NUP133: variants seen among roughly 807,000 people sequenced by gnomAD.
NUP133 encodes nuclear pore complex protein Nup133.
Under a neutral mutation model 146.2 loss-of-function variants are expected in NUP133, and 66 were observed. That is an observed-to-expected ratio of 0.45 (90% CI 0.37 to 0.55). The LOEUF is 0.55. Among genes scored for constraint, NUP133 ranks in the 20% least tolerant of loss-of-function variants. The pLI is 0.00. For missense variants in NUP133, 1,277 were observed against 1,374.8 expected (o/e 0.93, Z 1.12); for synonymous variants, 521 against 498.8 (o/e 1.04, Z -0.59).
chr1:229,493,344 T>C (rs969666679), intron 8 of NUP133, among the ~76,000 whole-genome samples: 2 of 152,156 alleles, frequency 1.3e-5, no homozygotes, highest in African/African-American at 4.8e-5. Flanking sequence ...GCCCAGCTAA[T>C]TTTTTATTTT....
intron 20 of NUP133, among the ~76,000 whole-genome samples, chr1:229,459,506 T>A (rs559087579): frequency 2.0e-5 from 3 of 152,332 alleles, no homozygotes; most frequent in African/African-American, 7.2e-5. Flanking sequence ...TATATGTATA[T>A]GTGTATGTGT....
intron 22 of NUP133, 146 bp from the exon 23 acceptor site, chr1:229,450,751 A>G: frequency 7.0e-6 from 3 of 427,398 alleles, no homozygotes. Flanking sequence ...TTTGAGACAA[A>G]GTCTTGCTCT....
At chr1:229,468,853 T>C (rs1241769916) in intron 15 of NUP133, among the ~76,000 whole-genome samples, 1 of 152,226 alleles carries the variant, frequency 6.6e-6, no homozygotes, top group Non-Finnish European at 1.5e-5. Flanking sequence ...CTTTCAGATT[T>C]CTGGCATACT....
At chr1:229,498,963 A>G (rs191353877) in intron 5 of NUP133, among the ~76,000 whole-genome samples, 152 of 152,212 alleles carry the variant, frequency 1.0e-3, no homozygotes, top group African/African-American at 3.4e-3. Flanking sequence ...CAGTGGTGAG[A>G]TCATAGTTCA....
intron 18 of NUP133, 78 bp downstream of exon 18, chr1:229,464,546 T>C: frequency 1.3e-6 from 2 of 1,491,340 alleles, no homozygotes; most frequent in Non-Finnish European, 9.2e-7. Context: ...ACTACCACAC[T>C]GAATATACTG....
intron 16 of NUP133, among the ~76,000 whole-genome samples, chr1:229,465,800 G>A (rs1660796480): frequency 1.3e-5 from 2 of 151,162 alleles, no homozygotes; most frequent in African/African-American, 4.9e-5. Context: ...TGAGGCAGGA[G>A]GACTGCTTGA....
At chr1:229,472,707 CATATATAT>C (rs372362492) in intron 14 of NUP133, among the ~76,000 whole-genome samples, 6 of 124,270 alleles carry the variant, frequency 4.8e-5, no homozygotes, top group South Asian at 2.5e-4. Flanking sequence ...ACTAAATATA[CATATATAT>C]ATATATATAT....
At chr1:229,492,698 A>C (rs1304922624) in intron 8 of NUP133, among the ~76,000 whole-genome samples, 1 of 152,044 alleles carries the variant, frequency 6.6e-6, no homozygotes, top group Non-Finnish European at 1.5e-5. Flanking sequence ...CTCACCTATA[A>C]GTGGGAGCTA....
chr1:229,495,743 G>A (rs1251204249), intron 7 of NUP133, 149 bp downstream of exon 7: 1 of 887,830 alleles, frequency 1.1e-6, no homozygotes, highest in Non-Finnish European at 1.7e-6. Context: ...TCTGGAGATT[G>A]ACTAACCCAT....
In NUP133 at chr1:229,440,435, G is replaced by A. The variant is rs370473038; in HGVS notation, c.*1469C>T. ...GTCGTTCTACGTCCACGCGATCAGT[G>A]GGTTCTGGGGCATGATCAGATGGGC... On this transcript the variant is annotated 3_prime_UTR_variant, in exon 26 of 26. Coordinates refer to ENST00000261396, the MANE Select transcript of NUP133 (RefSeq NM_018230.3). 2.6e-5 allele frequency: 4 copies of A among 152,166 alleles called. No individual in the cohort carries two copies. Among genetic ancestry groups the A allele is most frequent in the African/African-American group, 4.8e-5 (2 of 41,434 alleles). The allele number at this position is 152,166 out of a possible 1,614,324, so 9.4% of individuals were successfully genotyped here.
Position 229,470,499 on chromosome 1 carries a change from T to A in NUP133, c.2076+81A>T, listed in dbSNP as rs1312424064. The A allele has an allele frequency of 2.6e-6, 3 of 1,154,758 alleles. No homozygotes were observed. The African/African-American group carries it at 4.6e-5, about 18-fold the overall frequency. The allele number at this position is 1,154,758 out of a possible 1,614,324, so 71.5% of individuals were successfully genotyped here. ...GTGAGATCTTTTGTGATTTAACTCG[T>A]CCTCACCGTCTTTCCTGCCTAGGGC... On this transcript the variant is annotated intron_variant, in intron 15 of 25. Coordinates refer to ENST00000261396, the MANE Select transcript of NUP133 (RefSeq NM_018230.3).
chr1:229,454,192 A>C (rs971543667), intron 21 of NUP133, among the ~76,000 whole-genome samples: 1 of 152,102 alleles, frequency 6.6e-6, no homozygotes, highest in Non-Finnish European at 1.5e-5. Context: ...CCATTGGATG[A>C]GGTAACAGGG....
chr1:229,449,027 T>G, intron 24 of NUP133, 99 bp downstream of exon 24: 1 of 900,932 alleles, frequency 1.1e-6, no homozygotes, highest in South Asian at 1.4e-5. Flanking sequence ...TCCCAACACG[T>G]CTGGTCACAG....
rs769322445 is a variant in NUP133, at chr1:229,441,378, T to A, written c.*526A>T. 3.8e-6 allele frequency: 2 copies of A among 530,334 alleles called. No homozygotes were observed. Among genetic ancestry groups the A allele is most frequent in the South Asian group, 2.8e-5 (2 of 70,672 alleles). The allele number at this position is 530,334 out of a possible 1,614,324, so 32.9% of individuals were successfully genotyped here. On this transcript the variant is annotated 3_prime_UTR_variant, in exon 26 of 26. Coordinates refer to ENST00000261396, the MANE Select transcript of NUP133 (RefSeq NM_018230.3). The stretch of plus-strand genomic sequence containing the variant: ...GAGTTCATCAGTTATCAAGCTCACA[T>A]GAGTTAGGCCCACTCTCCTTTGGTT...
Position 229,475,682 on chromosome 1 carries a change from C to T in NUP133, c.1807G>A (p.Asp603Asn), listed in dbSNP as rs1444374916. The T allele has an allele frequency of 6.2e-7, 1 of 1,614,202 alleles. No homozygotes were observed. Among genetic ancestry groups the T allele is most frequent in the Non-Finnish European group, 8.5e-7 (1 of 1,180,002 alleles). ...AGAAAAGAGTGAGCTTTCATCTTGTCTTCTAGCTGGTGAAGGATAATCAGT... is the reference window on the plus strand; with the variant it reads ...AGAAAAGAGTGAGCTTTCATCTTGTTTTCTAGCTGGTGAAGGATAATCAGT... Reference protein sequence around the residue: ...TSLIILHQLEDKMKAHSFLMD... With the variant: ...TSLIILHQLENKMKAHSFLMD... The change falls in exon 14 of 26, where the codon GAC becomes AAC. Residue 603 changes from aspartate to asparagine, a missense_variant. This residue lies in a region of NUP133 where 952 missense variants were observed against 1,047.0 expected (regional missense o/e 0.91). Transcript: ENST00000261396.
chr1:229,481,374 A>C (rs1661208133), intron 12 of NUP133, among the ~76,000 whole-genome samples: 2 of 152,148 alleles, frequency 1.3e-5, no homozygotes, highest in Non-Finnish European at 2.9e-5. Flanking sequence ...CAATTTGTTA[A>C]ATTATGATGA....
At chr1:229,485,391 T>C (rs1661323373) in intron 11 of NUP133, among the ~76,000 whole-genome samples, 2 of 152,202 alleles carry the variant, frequency 1.3e-5, no homozygotes, top group South Asian at 2.1e-4. Flanking sequence ...AAAAACTACA[T>C]TGAGGGGCAC....
Position 229,463,652 on chromosome 1 carries a change from GCC to G in NUP133, c.2574_2575del (p.Trp858CysfsTer10). ...ACAGTATTTCTCTGCTAGAGAAGCA[GCC>G]CACAGGTACTGGCCTAGTGAAACTG... On this transcript the variant is annotated frameshift_variant, in exon 19 of 26. Transcript: ENST00000261396. LOFTEE classifies it high-confidence loss of function. The G allele has an allele frequency of 6.2e-7, 1 of 1,613,766 alleles. No individual in the cohort carries two copies. The highest frequency in any genetic ancestry group is 8.5e-7 in the Non-Finnish European group (1 of 1,179,896).
chr1:229,491,571 G>A (rs1341130091), intron 8 of NUP133, among the ~76,000 whole-genome samples: 1 of 152,136 alleles, frequency 6.6e-6, no homozygotes, highest in Admixed American at 6.5e-5. Flanking sequence ...TTCAGGCCAG[G>A]AATTCGAGAC....
Sources: gnomAD v4.1 joint callset for allele counts (sites outside exome capture counted in the v4.1 genomes callset) on GRCh38, gnomAD v4.1.1 for gene constraint, gnomAD v4.1.1 regional missense constraint, MANE v1.5 for transcripts, NCBI Gene and HGNC (gene_info 2026-07-23, HGNC 2026-07-21) for gene names.